KLHL32: variants seen among roughly 807,000 people sequenced by gnomAD.
KLHL32 encodes kelch like family member 32, also known as kelch-like protein 32.
In KLHL32, 35 loss-of-function variants were observed where a neutral mutation model predicts 64.8. The observed-to-expected ratio is 0.54, with a 90% CI of 0.41 to 0.72. KLHL32 has a LOEUF of 0.72. Ranked by LOEUF, KLHL32 falls within the 30% of genes least tolerant of loss-of-function variation. The probability of loss-of-function intolerance (pLI) is 0.00; values close to 1 mark genes in which losing one functional copy is unlikely to be tolerated. For missense variants in KLHL32, 589 were observed against 768.5 expected, an observed-to-expected ratio of 0.77 and a Z score of 2.76; for synonymous variants, 259 against 281.0, an observed-to-expected ratio of 0.92 and a Z score of 0.78.
chr6:96,983,853 G>A (rs1776663810), intron 3 of KLHL32, among the ~76,000 whole-genome samples: 1 of 151,962 alleles, frequency 6.6e-6, no homozygotes, highest in Non-Finnish European at 1.5e-5. Flanking sequence ...TTGATTTTTT[G>A]AAGGGTTCTT....
intron 1 of KLHL32, among the ~76,000 whole-genome samples, chr6:96,961,822 C>G (rs891466266): frequency 5.3e-5 from 8 of 152,154 alleles, no homozygotes; most frequent in Admixed American, 3.9e-4. Context: ...GTTTTTGGCT[C>G]TCTGATATCA....
intron 10 of KLHL32, among the ~76,000 whole-genome samples, chr6:97,133,772 A>C (rs1283762029): frequency 2.0e-5 from 3 of 152,202 alleles, no homozygotes; most frequent in African/African-American, 7.2e-5. Context: ...GATGAAGTTA[A>C]AAAAGTCAGC....
At chr6:96,987,282 G>T (rs528500410) in intron 3 of KLHL32, among the ~76,000 whole-genome samples, 1 of 152,030 alleles carries the variant, frequency 6.6e-6, no homozygotes, top group Non-Finnish European at 1.5e-5. Flanking sequence ...TGCTTCTCTA[G>T]TTCTTTTAAT....
intron 3 of KLHL32, among the ~76,000 whole-genome samples, chr6:97,019,768 C>CA (rs1562249557): frequency 6.6e-6 from 1 of 151,448 alleles, no homozygotes; most frequent in African/African-American, 2.4e-5. Flanking sequence ...CATGAAACAG[C>CA]AAAAAAATTT....
intron 3 of KLHL32, among the ~76,000 whole-genome samples, chr6:96,984,758 A>G (rs1427107799): frequency 2.6e-5 from 4 of 152,078 alleles, no homozygotes; most frequent in African/African-American, 9.7e-5. Flanking sequence ...TTTTGAGCCT[A>G]TGTGTGTCTC....
At chr6:96,987,818 T>C (rs1777304262) in intron 3 of KLHL32, among the ~76,000 whole-genome samples, 2 of 152,200 alleles carry the variant, frequency 1.3e-5, no homozygotes, top group African/African-American at 4.8e-5. Context: ...AACCATCTGA[T>C]CTTTGACAAA....
In KLHL32 at chr6:97,052,336, A is replaced by G. The variant is rs538694249; in HGVS notation, c.312+10737A>G. Among the ~76,000 whole-genome samples, 12 of 152,356 alleles carry G rather than the reference A, an allele frequency of 7.9e-5. No homozygotes were observed. The South Asian group carries it at 2.5e-3, about 32-fold the overall frequency. On this transcript the variant is annotated intron_variant, in intron 4 of 10. Transcript: ENST00000369261. ...GGACAGATCCCAGGTGGCATGTGACATGATTTTCCAAAATAATGAACAACT... is the reference window on the plus strand; with the variant it reads ...GGACAGATCCCAGGTGGCATGTGACGTGATTTTCCAAAATAATGAACAACT...
intron 1 of KLHL32, among the ~76,000 whole-genome samples, chr6:96,941,796 T>C (rs1489088018): frequency 6.6e-6 from 1 of 152,112 alleles, no homozygotes; most frequent in Admixed American, 6.6e-5. Context: ...ATCTAAGCAA[T>C]GAGAAGACCC....
At chr6:97,115,295 C>A (rs1485178497) in intron 7 of KLHL32, among the ~76,000 whole-genome samples, 1 of 152,172 alleles carries the variant, frequency 6.6e-6, no homozygotes, top group South Asian at 2.1e-4. Flanking sequence ...GGATTGCAGG[C>A]GTGAGCCACT....
upstream of KLHL32, among the ~76,000 whole-genome samples, chr6:96,922,445 A>G (rs917106638): frequency 6.6e-6 from 1 of 152,026 alleles, no homozygotes; most frequent in Non-Finnish European, 1.5e-5. Flanking sequence ...TCCTTCTACT[A>G]AGTTCCTTCT....
chr6:96,919,495 TCTTCTA>T, the KLHL32 span, among the ~76,000 whole-genome samples: 2 of 152,236 alleles, frequency 1.3e-5, no homozygotes, highest in African/African-American at 4.8e-5. Context: ...TGTTTTTGAA[TCTTCTA>T]CTTCTACCAG....
chr6:97,049,437 TG>T (rs1786478297), intron 4 of KLHL32, among the ~76,000 whole-genome samples: 1 of 152,188 alleles, frequency 6.6e-6, no homozygotes, highest in Admixed American at 6.5e-5. Flanking sequence ...CAGAGTGGGA[TG>T]GTGGGAGATT....
intron 2 of KLHL32, among the ~76,000 whole-genome samples, chr6:96,972,771 G>C (rs540353984): frequency 6.6e-6 from 1 of 152,286 alleles, no homozygotes; most frequent in East Asian, 1.9e-4. Context: ...ATATGTTCTA[G>C]ATGCTGAGGG....
At chr6:96,946,078 G>A (rs566177791) in intron 1 of KLHL32, among the ~76,000 whole-genome samples, 5 of 152,122 alleles carry the variant, frequency 3.3e-5, no homozygotes, top group African/African-American at 1.2e-4. Flanking sequence ...GATAAGATGA[G>A]ATTCATCTTG....
chr6:97,052,029 A>G (rs1240806195), intron 4 of KLHL32, among the ~76,000 whole-genome samples: 3 of 152,190 alleles, frequency 2.0e-5, no homozygotes, highest in Non-Finnish European at 4.4e-5. Flanking sequence ...CACCTTTACT[A>G]TCCTAAAATG....
At chr6:97,014,552 A>G (rs1480409624) in intron 3 of KLHL32, among the ~76,000 whole-genome samples, 2 of 152,192 alleles carry the variant, frequency 1.3e-5, no homozygotes, top group African/African-American at 2.4e-5. Flanking sequence ...CATAGGCACT[A>G]CTACTGAAGT....
the KLHL32 span, among the ~76,000 whole-genome samples, chr6:96,907,160 TA>T: frequency 1.3e-5 from 2 of 152,336 alleles, no homozygotes; most frequent in South Asian, 2.1e-4. Flanking sequence ...GGTAGTCTTC[TA>T]AAAAATAACT....
intron 3 of KLHL32, among the ~76,000 whole-genome samples, chr6:96,988,193 C>T (rs551320399): frequency 1.6e-3 from 241 of 151,956 alleles, no homozygotes; most frequent in African/African-American, 5.7e-3. Context: ...AAAATTTGTG[C>T]AATCTACTCA....
chr6:97,101,509 C>T (rs77132151), intron 6 of KLHL32, among the ~76,000 whole-genome samples: 1 of 152,106 alleles, frequency 6.6e-6, no homozygotes, highest in Non-Finnish European at 1.5e-5. Flanking sequence ...CTTAAGAAAA[C>T]GAGAAGTGTT....
Sources: gnomAD v4.1 joint callset for allele counts (sites outside exome capture counted in the v4.1 genomes callset) on GRCh38, gnomAD v4.1.1 for gene constraint, MANE v1.5 for transcripts, NCBI Gene and HGNC (gene_info 2026-07-23, HGNC 2026-07-21) for gene names.